The following NSUN7 variants were observed in gnomAD, a reference collection of about 807,000 sequenced individuals.
NSUN7 encodes the protein protein NSUN7.
Under a neutral mutation model 58.5 loss-of-function variants are expected in NSUN7, and 39 were observed. The observed-to-expected ratio is 0.67, with a 90% confidence interval of 0.52 to 0.87. The LOEUF is 0.87. NSUN7 is among the 40% of genes least tolerant of loss of function. NSUN7 has a pLI of 0.00. For synonymous variants in NSUN7, 278 were observed against 303.7 expected, an observed-to-expected ratio of 0.92 and a Z score of 0.88; for missense variants, 765 against 844.1, an observed-to-expected ratio of 0.91 and a Z score of 1.16.
intron 4 of NSUN7, chr4:40,762,639 G>GTCCC (rs1741513394): frequency 6.6e-6 from 1 of 152,198 alleles, no homozygotes; most frequent in African/African-American, 2.4e-5. Flanking sequence ...TAAAGCAGGG[G>GTCCC]TCCCCAACCC....
chr4:40,786,428 A>C, intron 7 of NSUN7: 2 of 1,612,068 alleles, frequency 1.2e-6, no homozygotes, highest in Non-Finnish European at 8.5e-7. Flanking sequence ...GTTGATGTCG[A>C]AAGGATGGAA....
In NSUN7 at chr4:40,774,789, T is replaced by A; in HGVS notation, c.664T>A (p.Leu222Met). ...KISPEEVYNN[L>M]KRRGYNKVKS... ...CAGCCCTGAAGAAGTTTATAATAAT[T>A]TGAAGAGAAGAGGCTATAATAAAGT... The change falls in exon 6 of 12, where the codon TTG (leucine) becomes ATG (methionine). Residue 222 changes from leucine (L) to methionine (M), a missense_variant. Transcript: ENST00000381782. The A allele has an allele frequency of 6.5e-7, 1 of 1,538,036 alleles. No individual in the cohort carries two copies. Among genetic ancestry groups the A allele is most frequent in the Non-Finnish European group, 8.9e-7 (1 of 1,128,102 alleles).
chr4:40,807,743 A>G (rs1743871460), intron 11 of NSUN7, among the ~76,000 whole-genome samples: 1 of 152,004 alleles, frequency 6.6e-6, no homozygotes, highest in African/African-American at 2.4e-5. Context: ...ATCTTCCCTC[A>G]TATGTAAGAA....
intron 3 of NSUN7, 50 bp from the exon 4 acceptor site, chr4:40,761,121 G>C: frequency 7.2e-7 from 1 of 1,396,178 alleles, no homozygotes; most frequent in Non-Finnish European, 9.8e-7. Flanking sequence ...AAATATTGCT[G>C]GTTAGATATT....
intron 9 of NSUN7, among the ~76,000 whole-genome samples, chr4:40,796,035 T>G (rs1743310141): frequency 6.6e-6 from 1 of 152,158 alleles, no homozygotes; most frequent in Admixed American, 6.5e-5. Context: ...TCCCTTACCC[T>G]CTAAGACTCA....
chr4:40,761,150 AT>A lies in NSUN7; in HGVS notation c.358-20del, dbSNP rs752981795. 90 of 1,545,980 alleles carry A rather than the reference AT, an allele frequency of 5.8e-5. No homozygotes were observed. The East Asian group carries it at 2.0e-3, about 35-fold the overall frequency. On this transcript the variant is annotated intron_variant, in intron 3 of 11. Transcript: ENST00000381782. ...AGATATTGTTTGTATACTTTTCTTT[AT>A]ATATGTTTTCCCTTGTTAGCCAGAT... is the stretch of plus-strand genomic sequence containing the variant.
intron 7 of NSUN7, among the ~76,000 whole-genome samples, chr4:40,782,539 C>T (rs977742262): frequency 1.4e-5 from 2 of 143,920 alleles, no homozygotes; most frequent in East Asian, 2.0e-4. Flanking sequence ...TTGCACTCCA[C>T]CCTGTCTCAA....
At chr4:40,799,132 C>T (rs1477898441) in intron 10 of NSUN7, among the ~76,000 whole-genome samples, 12 of 118,584 alleles carry the variant, frequency 1.0e-4, no homozygotes, top group Admixed American at 3.6e-4. Context: ...GTCATCCAGG[C>T]TGGAGTGCAG....
chr4:40,793,408 C>T (rs1743183071), intron 8 of NSUN7, among the ~76,000 whole-genome samples: 1 of 152,176 alleles, frequency 6.6e-6, no homozygotes, highest in Non-Finnish European at 1.5e-5. Flanking sequence ...TGCCACTGCA[C>T]TCCAGCCTGG....
intron 10 of NSUN7, among the ~76,000 whole-genome samples, chr4:40,801,242 T>C (rs952859315): frequency 1.4e-4 from 22 of 152,214 alleles, no homozygotes; most frequent in Admixed American, 9.8e-4. Context: ...GTGACAGTTA[T>C]ACCTTTTTTG....
In NSUN7 at chr4:40,761,273, G is replaced by C. The variant is rs1741452060; in HGVS notation, c.460G>C (p.Val154Leu). 6.3e-7 allele frequency: 1 copy of C among 1,598,528 alleles called. No individual in the cohort carries two copies. The highest frequency in any genetic ancestry group is 8.5e-7 in the Non-Finnish European group (1 of 1,175,804). Reference protein sequence around the residue: ...LSDNEEPISEVQEVENLLNSF... With the variant: ...LSDNEEPISELQEVENLLNSF... Reference sequence around the variant, plus strand: ...TGATAATGAAGAGCCCATATCAGAAGTTCAAGAAGTAGAGAACCTTCTTAA... The same window carrying C: ...TGATAATGAAGAGCCCATATCAGAACTTCAAGAAGTAGAGAACCTTCTTAA... The change falls in exon 4 of 12, where the codon GTT becomes CTT. Residue 154 changes from valine to leucine, a missense_variant. Transcript: ENST00000381782.
chr4:40,774,053 C>T (rs188703533), intron 4 of NSUN7, among the ~76,000 whole-genome samples: 101 of 152,328 alleles, frequency 6.6e-4, no homozygotes, highest in Non-Finnish European at 1.0e-3. Flanking sequence ...TTGCCTCGGC[C>T]TCCCAAAGTG....
chr4:40,755,358 G>A (rs1221835950), intron 2 of NSUN7, among the ~76,000 whole-genome samples: 1 of 152,092 alleles, frequency 6.6e-6, no homozygotes, highest in Admixed American at 6.6e-5. Flanking sequence ...AAAATGCTGG[G>A]ATTACAGGCG....
chr4:40,773,191 G>A (rs930631723), intron 4 of NSUN7: 6 of 152,308 alleles, frequency 3.9e-5, no homozygotes, highest in African/African-American at 9.6e-5. Flanking sequence ...CAGGCACTGC[G>A]CTAAGAATTT....
intron 9 of NSUN7, among the ~76,000 whole-genome samples, chr4:40,796,784 C>T (rs896243756): frequency 6.6e-6 from 1 of 152,188 alleles, no homozygotes; most frequent in African/African-American, 2.4e-5. Context: ...CCTTTGTCCA[C>T]ATCTCTCACT....
chr4:40,803,109 C>T (rs947444551), intron 10 of NSUN7, among the ~76,000 whole-genome samples: 26 of 152,026 alleles, frequency 1.7e-4, no homozygotes, highest in African/African-American at 6.3e-4. Context: ...CTACAAAGGA[C>T]ATGAACTCAT....
chr4:40,769,635 C>T (rs1409094370), intron 4 of NSUN7, among the ~76,000 whole-genome samples: 1 of 152,178 alleles, frequency 6.6e-6, no homozygotes, highest in Non-Finnish European at 1.5e-5. Context: ...AATGTTAAAC[C>T]AGCCATGCAT....
At chr4:40,788,889 C>T (rs1468912739) in intron 7 of NSUN7, among the ~76,000 whole-genome samples, 1 of 152,190 alleles carries the variant, frequency 6.6e-6, no homozygotes, top group Admixed American at 6.5e-5. Context: ...GCAGTTCTTA[C>T]ATCTGTACAC....
rs767280199 is a variant in NSUN7 at position 40,810,528 on chromosome 4, A to G, written c.*1589A>G. ...AGGAGGTGCAGGTTGCAGTGAGCCA[A>G]TATTGCCCCACTGCACTCCAGCCTG... On this transcript the variant is annotated 3_prime_UTR_variant, in exon 12 of 12. Coordinates refer to ENST00000381782, the MANE Select transcript of NSUN7 (RefSeq NM_024677.6). 3.4e-5 allele frequency: 5 copies of G among 146,568 alleles called. No homozygotes were observed. The highest frequency in any genetic ancestry group is 7.5e-5 in the Non-Finnish European group (5 of 66,866). The allele number at this position is 146,568 out of a possible 1,614,324, so 9.1% of individuals were successfully genotyped here. A position where few individuals can be genotyped will look rare whatever the true frequency, so the allele number is the denominator to read the frequency against.
Sources: allele counts gnomAD v4.1 joint callset (sites outside exome capture counted in the v4.1 genomes callset), GRCh38; gene constraint gnomAD v4.1.1; transcripts MANE v1.5; gene names NCBI Gene and HGNC (gene_info 2026-07-23, HGNC 2026-07-21).